RAD52: variants seen among roughly 807,000 people sequenced by gnomAD.
RAD52 encodes the protein RAD52 DNA repair protein.
In RAD52, 47 loss-of-function variants were observed where a neutral mutation model predicts 55.5. The ratio of observed to expected loss-of-function variants is 0.85; its 90% CI spans 0.67 to 1.08. The LOEUF (loss-of-function observed/expected upper bound fraction) is 1.08. RAD52 is among the 50% of genes least tolerant of loss of function. RAD52 has a pLI of 0.00. For synonymous variants in RAD52, 184 were observed against 198.9 expected (o/e 0.92, Z 0.63); for missense variants, 468 against 522.8 (o/e 0.90, Z 1.02).
intron 1 of RAD52, among the ~76,000 whole-genome samples, chr12:983,566 C>T (rs1959048257): frequency 1.3e-5 from 2 of 151,892 alleles, no homozygotes; most frequent in African/African-American, 4.8e-5. Flanking sequence ...ATTACAGGTG[C>T]CCGCCACCAT....
At chr12:919,546 T>A (rs1956595808) in intron 7 of RAD52, among the ~76,000 whole-genome samples, 1 of 151,960 alleles carries the variant, frequency 6.6e-6, no homozygotes. Context: ...GCCCAGGAGT[T>A]TGAGACCAGC....
intron 1 of RAD52, among the ~76,000 whole-genome samples, chr12:981,128 A>C (rs1959008931): frequency 6.6e-6 from 1 of 151,774 alleles, no homozygotes; most frequent in Non-Finnish European, 1.5e-5. Flanking sequence ...TCAGCAGTTC[A>C]AGACCAGCCT....
rs762599198 is a variant in RAD52, at chr12:929,805, C to A, written c.348+14G>T. On this transcript the variant is annotated intron_variant, in intron 5 of 11. Coordinates refer to ENST00000358495, the MANE Select transcript of RAD52 (RefSeq NM_134424.4). ...CTGATCCTTCCGGGCAGCAGGTCTA[C>A]TCCATCCCCTCACCTTCAGCTGGAC... 46 of 1,608,590 alleles carry A rather than the reference C, an allele frequency of 2.9e-5. No individual in the cohort carries two copies. In the Admixed American group the frequency reaches 7.7e-4, roughly 27 times the overall value.
chr12:951,031 T>G (rs922699734), upstream of RAD52, among the ~76,000 whole-genome samples: 1 of 152,134 alleles, frequency 6.6e-6, no homozygotes, highest in Admixed American at 6.5e-5. Context: ...GGATTACAGG[T>G]GTGAGCCACT....
rs1381558300 is a variant in RAD52 at position 931,265 on chromosome 12, C to T, written c.141G>A (p.Leu47=). 6.2e-7 allele frequency: 1 copy of T among 1,612,684 alleles called. No homozygotes were observed. Among genetic ancestry groups the T allele is most frequent in the African/African-American group, 1.3e-5 (1 of 74,980 alleles). Residue 47 remains leucine, a synonymous_variant, in exon 3 of 12, where the codon CTG becomes CTA. Transcript: ENST00000358495. The stretch of plus-strand genomic sequence containing the variant: ...TGCGGCTACTTATGTATTCTGGGCC[C>T]AGCCTCTGCCTCAGGGCCTTCTGGA... ...QAIQKALRQR[L]GPEYISSRMA... is the part of the protein sequence containing the mutation.
chr12:915,007 C>G (rs1262505294), intron 9 of RAD52, among the ~76,000 whole-genome samples: 1 of 152,208 alleles, frequency 6.6e-6, no homozygotes, highest in African/African-American at 2.4e-5. Context: ...GTAGCATGCA[C>G]TTGTAGTCCC....
At chr12:926,397 G>A (rs1005890526) in intron 6 of RAD52, among the ~76,000 whole-genome samples, 1 of 151,942 alleles carries the variant, frequency 6.6e-6, no homozygotes, top group Non-Finnish European at 1.5e-5. Flanking sequence ...CCAGCTACTC[G>A]GGAGGCTGAG....
Position 916,338 on chromosome 12 carries a change from G to T in RAD52, c.865+6C>A. 6.2e-7 allele frequency: 1 copy of T among 1,604,114 alleles called. No homozygotes were observed. ...TCCCAGGGCCCTGCTCCCACCCCTC[G>T]CTCACCCTCACTCTTCTCAGCTGAC... On this transcript the variant is annotated splice_donor_region_variant and intron_variant, in intron 9 of 11. Transcript: ENST00000358495.
chr12:970,482 T>C (rs1165460574), intron 1 of RAD52, among the ~76,000 whole-genome samples: 2 of 152,118 alleles, frequency 1.3e-5, no homozygotes, highest in African/African-American at 2.4e-5. Flanking sequence ...AAAAACAAAA[T>C]ACTAATAACC....
chr12:962,300 C>T (rs1362260765), intron 1 of RAD52, among the ~76,000 whole-genome samples: 1 of 151,198 alleles, frequency 6.6e-6, no homozygotes, highest in African/African-American at 2.4e-5. Flanking sequence ...AGAGAATGCA[C>T]AATGAGGAGT....
intron 1 of RAD52, chr12:974,195 G>C (rs1450824794): frequency 6.6e-6 from 1 of 152,158 alleles, no homozygotes; most frequent in Admixed American, 6.6e-5. Context: ...CTGTTAGACA[G>C]CAGTAGCAGC....
intron 1 of RAD52, among the ~76,000 whole-genome samples, chr12:982,502 A>G (rs183665173): frequency 1.3e-5 from 2 of 152,246 alleles, no homozygotes; most frequent in Non-Finnish European, 2.9e-5. Flanking sequence ...ACTTTCCACA[A>G]AACACTAGAA....
intron 9 of RAD52, among the ~76,000 whole-genome samples, chr12:915,522 C>T (rs11571468): frequency 0.068 from 10,330 of 152,150 alleles, 416 homozygotes; most frequent in African/African-American, 0.081. Flanking sequence ...GACTACCTAC[C>T]GCTGGATGGG....
At chr12:944,472 G>A (rs1215615195) in intron 1 of RAD52, among the ~76,000 whole-genome samples, 1 of 152,024 alleles carries the variant, frequency 6.6e-6, no homozygotes, top group Admixed American at 6.6e-5. Flanking sequence ...AGTGAGCCAT[G>A]ATCATACCAC....
At chr12:930,581 A>C (rs1957275418) in intron 3 of RAD52, among the ~76,000 whole-genome samples, 1 of 152,156 alleles carries the variant, frequency 6.6e-6, no homozygotes, top group Non-Finnish European at 1.5e-5. Flanking sequence ...TTAGAAGCAA[A>C]TGATATGCAA....
intron 1 of RAD52, among the ~76,000 whole-genome samples, chr12:957,351 T>G (rs538068577): frequency 4.0e-5 from 6 of 149,620 alleles, no homozygotes; most frequent in African/African-American, 1.5e-4. Flanking sequence ...TAATCCCAAC[T>G]ACTCGGGAGG....
At chr12:934,867 C>T (rs1957530346) in intron 1 of RAD52, among the ~76,000 whole-genome samples, 1 of 152,154 alleles carries the variant, frequency 6.6e-6, no homozygotes, top group African/African-American at 2.4e-5. Flanking sequence ...AACCCTAACA[C>T]TTTGGGAGGC....
intron 1 of RAD52, among the ~76,000 whole-genome samples, chr12:937,608 T>C (rs2154116592): frequency 6.6e-6 from 1 of 152,262 alleles, no homozygotes; most frequent in East Asian, 1.9e-4. Context: ...GTATTTTTAG[T>C]AGAGACGGGG....
chr12:912,022 T>C lies in RAD52; in HGVS notation c.*1369A>G, dbSNP rs56131726. 0.29 allele frequency: 56,716 copies of C among 195,402 alleles called. 8,725 individuals carry two copies. The highest frequency in any genetic ancestry group is 0.42 in the African/African-American group (18,011 of 42,430). 12.1% of individuals were successfully genotyped at this position (195,402 alleles called of 1,614,324 possible). On this transcript the variant is annotated 3_prime_UTR_variant, in exon 12 of 12. Coordinates refer to ENST00000358495, the MANE Select transcript of RAD52 (RefSeq NM_134424.4). ...CTGCGCTACAGAGCCAGACCCCCCCTCTCAAAAAAAAAGTTGTTAAACTGC... is the reference window on the plus strand; with the variant it reads ...CTGCGCTACAGAGCCAGACCCCCCCCCTCAAAAAAAAAGTTGTTAAACTGC...
Sources: gnomAD v4.1 joint callset for allele counts (sites outside exome capture counted in the v4.1 genomes callset) on GRCh38, gnomAD v4.1.1 for gene constraint, MANE v1.5 for transcripts, NCBI Gene and HGNC (gene_info 2026-07-23, HGNC 2026-07-21) for gene names.